DENND5B: variants seen among roughly 807,000 people sequenced by gnomAD.
DENND5B encodes DENN domain-containing protein 5B.
DENND5B carries 34 observed loss-of-function variants against 140.6 expected under a neutral mutation model. That is an observed-to-expected ratio of 0.24 (90% CI 0.18 to 0.32). DENND5B has a LOEUF of 0.32. Ranked by LOEUF, DENND5B falls within the 10% of genes least tolerant of loss-of-function variation. The pLI is 1.00. For missense variants in DENND5B, 1,142 were observed against 1,560.2 expected (o/e 0.73, Z 4.52); for synonymous variants, 551 against 562.1 (o/e 0.98, Z 0.28).
In DENND5B at chr12:31,426,411, T is replaced by A; in HGVS notation, c.2120A>T (p.Glu707Val). 1 of 1,611,036 alleles carries A rather than the reference T, an allele frequency of 6.2e-7. No homozygotes were observed. Among genetic ancestry groups the A allele is most frequent in the East Asian group, 2.2e-5 (1 of 44,840 alleles). ...DNDLREKYMQ[E>V]ARSLGKNLRQ... ...CAGGTTTTTTCCTAAACTTCGTGCC[T>A]CTTGCATATATTTCTAAAAAATCAA... Residue 707 changes from glutamate (E) to valine (V), a missense_variant, in exon 9 of 21, where the codon GAG (glutamate) becomes GTG (valine). By Grantham distance (121) the Glu-to-Val change is moderately radical. This residue lies in a region of DENND5B where 708 missense variants were observed against 905.5 expected (regional missense o/e 0.78). Coordinates refer to ENST00000389082, the MANE Select transcript of DENND5B (RefSeq NM_144973.4).
chr12:31,416,145 T>C (rs1942727091), intron 11 of DENND5B, among the ~76,000 whole-genome samples: 1 of 151,998 alleles, frequency 6.6e-6, no homozygotes, highest in Non-Finnish European at 1.5e-5. Flanking sequence ...ACCCAGCTAT[T>C]TTCTTTCTAT....
intron 1 of DENND5B, among the ~76,000 whole-genome samples, chr12:31,577,176 T>A (rs1354047427): frequency 2.0e-5 from 3 of 152,192 alleles, no homozygotes; most frequent in Non-Finnish European, 4.4e-5. Context: ...ATTTACATTA[T>A]CACTTCTACA....
Position 31,383,754 on chromosome 12 carries a change from A to T in DENND5B, c.*3849T>A, listed in dbSNP as rs755799956. The T allele has an allele frequency of 6.6e-6, 1 of 152,218 alleles. No homozygotes were observed. Among genetic ancestry groups the T allele is most frequent in the African/African-American group, 2.4e-5 (1 of 41,450 alleles). The allele number at this position is 152,218 out of a possible 1,614,324, so 9.4% of individuals were successfully genotyped here. On this transcript the variant is annotated 3_prime_UTR_variant, in exon 21 of 21. Transcript: ENST00000389082. ...GGCATATGACTCCCGACCAGGGCAC[A>T]GATCTCACACATGCTTCCAACATCA...
At chr12:31,393,925 G>A (rs1284611724) in intron 17 of DENND5B, among the ~76,000 whole-genome samples, 2 of 151,618 alleles carry the variant, frequency 1.3e-5, no homozygotes. Context: ...CCTGACCTCA[G>A]GTGATCCGCC....
At chr12:31,494,215 CCT>C (rs1946672875) in intron 2 of DENND5B, among the ~76,000 whole-genome samples, 1 of 88,012 alleles carries the variant, frequency 1.1e-5, no homozygotes, top group Non-Finnish European at 2.5e-5. Context: ...TACCTACCTA[CCT>C]ACCTCTACCT....
chr12:31,498,904 T>C (rs939705898), intron 1 of DENND5B, among the ~76,000 whole-genome samples: 2 of 126,888 alleles, frequency 1.6e-5, no homozygotes, highest in Admixed American at 2.0e-4. Context: ...ACCCGGGAGG[T>C]GGGGGTTGCA....
At chr12:31,511,411 TACAA>T (rs149962256) in intron 1 of DENND5B, among the ~76,000 whole-genome samples, 3,114 of 152,296 alleles carry the variant, frequency 0.02, 57 homozygotes, top group South Asian at 0.052. Context: ...ACCACTATCG[TACAA>T]ACACTGTACT....
intron 1 of DENND5B, among the ~76,000 whole-genome samples, chr12:31,507,884 T>C (rs553783141): frequency 3.3e-4 from 50 of 152,314 alleles, no homozygotes; most frequent in African/African-American, 9.9e-4. Flanking sequence ...TTTTCTCTTA[T>C]AGAAAACACA....
chr12:31,388,905 T>C (rs939549703), intron 20 of DENND5B, among the ~76,000 whole-genome samples: 3 of 152,218 alleles, frequency 2.0e-5, no homozygotes, highest in Non-Finnish European at 2.9e-5. Context: ...CCTTATTACC[T>C]ATCTATCTGT....
chr12:31,548,288 G>A (rs972187588), intron 1 of DENND5B, among the ~76,000 whole-genome samples: 11 of 151,886 alleles, frequency 7.2e-5, no homozygotes, highest in African/African-American at 1.2e-4. Context: ...CCAGCTATTC[G>A]GAAAGCTGAG....
At chr12:31,538,274 A>T (rs1370755481) in intron 1 of DENND5B, among the ~76,000 whole-genome samples, 1 of 152,214 alleles carries the variant, frequency 6.6e-6, no homozygotes. Flanking sequence ...TCACAAAACA[A>T]GTCTTAAAAC....
At chr12:31,421,375 T>C (rs1943015992) in intron 11 of DENND5B, among the ~76,000 whole-genome samples, 2 of 152,168 alleles carry the variant, frequency 1.3e-5, no homozygotes, top group African/African-American at 4.8e-5. Context: ...CTTTCCTAAA[T>C]ATGACAATGC....
In DENND5B at chr12:31,467,050, T is replaced by C. The variant is rs186482151; in HGVS notation, c.905-6669A>G. On this transcript the variant is annotated intron_variant, in intron 3 of 20. Coordinates refer to ENST00000389082, the MANE Select transcript of DENND5B (RefSeq NM_144973.4). ...CAGGAAACCAGAAGATGATAGAATA[T>C]TATCCTCAGAGTTCTAAGAGAAAAA... Among the ~76,000 whole-genome samples the C allele has an allele frequency of 1.1e-4, 17 of 152,140 alleles. No homozygotes were observed. The East Asian group carries it at 3.3e-3, about 29-fold the overall frequency.
At chr12:31,500,958 A>G (rs1946980799) in intron 1 of DENND5B, among the ~76,000 whole-genome samples, 1 of 152,192 alleles carries the variant, frequency 6.6e-6, no homozygotes. Context: ...AGTATATCTG[A>G]TAAGTACTCA....
chr12:31,404,916 C>G (rs1469726816), intron 14 of DENND5B, among the ~76,000 whole-genome samples: 2 of 152,006 alleles, frequency 1.3e-5, no homozygotes, highest in South Asian at 4.2e-4. Context: ...CACACCACCA[C>G]GGCCAGCTAT....
intron 11 of DENND5B, among the ~76,000 whole-genome samples, chr12:31,417,279 C>T (rs1942800013): frequency 6.7e-6 from 1 of 148,760 alleles, no homozygotes; most frequent in East Asian, 2.0e-4. Context: ...ATGGCATGAA[C>T]CCGGGATGCA....
intron 1 of DENND5B, among the ~76,000 whole-genome samples, chr12:31,541,334 A>C (rs1296039113): frequency 6.6e-6 from 1 of 152,216 alleles, no homozygotes; most frequent in East Asian, 1.9e-4. Context: ...AAAATACATA[A>C]GGAAGCTCAT....
rs188528840 is a variant in DENND5B, at chr12:31,558,272, C to A, written c.127+32434G>T. Among the ~76,000 whole-genome samples the A allele has an allele frequency of 4.2e-3, 632 of 152,228 alleles. 5 individuals are homozygous for A. Among genetic ancestry groups the A allele is most frequent in the African/African-American group, 0.014 (576 of 41,548 alleles). The stretch of plus-strand genomic sequence containing the variant: ...CATATATGAATCAGAACCCACCCCC[C>A]AACCCCCTTGTTTTCTTTTTCCTGG... On this transcript the variant is annotated intron_variant, in intron 1 of 20. Coordinates refer to ENST00000389082, the MANE Select transcript of DENND5B (RefSeq NM_144973.4).
chr12:31,562,838 T>G (rs926902480), intron 1 of DENND5B, among the ~76,000 whole-genome samples: 1 of 152,190 alleles, frequency 6.6e-6, no homozygotes, highest in Non-Finnish European at 1.5e-5. Context: ...GTCCAACTCA[T>G]TTCTTCCTAA....
Sources: gnomAD v4.1 joint callset for allele counts (sites outside exome capture counted in the v4.1 genomes callset) on GRCh38, gnomAD v4.1.1 for gene constraint, gnomAD v4.1.1 regional missense constraint, MANE v1.5 for transcripts, NCBI Gene and HGNC (gene_info 2026-07-23, HGNC 2026-07-21) for gene names.